The following PALM2AKAP2 variants were observed in gnomAD, a reference collection of about 807,000 sequenced individuals.
PALM2AKAP2 encodes PALM2-AKAP2 fusion protein.
PALM2AKAP2 carries 37 observed loss-of-function variants against 71.5 expected under a neutral mutation model. The ratio of observed to expected loss-of-function variants is 0.52; its 90% confidence interval spans 0.40 to 0.68. PALM2AKAP2 has a LOEUF of 0.68. PALM2AKAP2 is among the 30% of genes least tolerant of loss of function. The pLI is 0.00. For missense variants in PALM2AKAP2, 1,224 were observed against 1,191.8 expected (o/e 1.03, Z -0.40); for synonymous variants, 468 against 478.8 (o/e 0.98, Z 0.29).
At chr9:110,137,341 G>A in exon 2 of PALM2AKAP2, 1 of 1,614,192 alleles carries the variant, frequency 6.2e-7, no homozygotes, top group South Asian at 1.1e-5. Flanking sequence ...ACAAGCCACT[G>A]ACTAATCCGA....
intron 1 of PALM2AKAP2, among the ~76,000 whole-genome samples, chr9:110,117,230 C>T (rs1024523567): frequency 7.9e-5 from 12 of 152,178 alleles, no homozygotes; most frequent in South Asian, 4.1e-4. Context: ...TGTGTTCCTC[C>T]GGCCTCAGCC....
At chr9:109,957,243 G>A (rs1351625684) in intron 6 of PALM2AKAP2, among the ~76,000 whole-genome samples, 4 of 152,180 alleles carry the variant, frequency 2.6e-5, no homozygotes, top group Non-Finnish European at 5.9e-5. Flanking sequence ...TGAGTTAATT[G>A]AGCAAAGTTA....
At chr9:109,810,621 T>A (rs924214587) in intron 1 of PALM2AKAP2, among the ~76,000 whole-genome samples, 4 of 152,268 alleles carry the variant, frequency 2.6e-5, no homozygotes, top group African/African-American at 9.6e-5. Flanking sequence ...TGTTGACTCC[T>A]TCAAGGAGTT....
chr9:109,726,383 G>C (rs1433914185), intron 1 of PALM2AKAP2, among the ~76,000 whole-genome samples: 1 of 152,188 alleles, frequency 6.6e-6, no homozygotes, highest in Non-Finnish European at 1.5e-5. Flanking sequence ...GCATCTGCCG[G>C]GTCAGCAGAG....
exon 2 of PALM2AKAP2, chr9:110,136,777 G>C: frequency 6.2e-7 from 1 of 1,614,190 alleles, no homozygotes; most frequent in Non-Finnish European, 8.5e-7. Flanking sequence ...CCAAGTTTGA[G>C]CTGCGTGCCT....
chr9:109,735,332 G>A (rs777075327), intron 1 of PALM2AKAP2, among the ~76,000 whole-genome samples: 1 of 151,698 alleles, frequency 6.6e-6, no homozygotes, highest in Admixed American at 6.6e-5. Flanking sequence ...AGGACACACT[G>A]TGTATATATG....
chr9:109,655,270 G>A (rs1377126673), intron 1 of PALM2AKAP2, among the ~76,000 whole-genome samples: 2 of 143,140 alleles, frequency 1.4e-5, no homozygotes, highest in Admixed American at 1.4e-4. Flanking sequence ...CTGCACTCCA[G>A]GCTGGGCGAC....
intron 6 of PALM2AKAP2, among the ~76,000 whole-genome samples, chr9:109,938,040 AG>A (rs1197468281): frequency 2.6e-5 from 4 of 152,228 alleles, no homozygotes; most frequent in African/African-American, 9.6e-5. Context: ...AAAGTGTGAG[AG>A]GCCATTGGTA....
chr9:109,908,980 C>T (rs1417699059), intron 3 of PALM2AKAP2, among the ~76,000 whole-genome samples: 2 of 152,178 alleles, frequency 1.3e-5, no homozygotes, highest in African/African-American at 4.8e-5. Flanking sequence ...CCAGATGCTT[C>T]CTGCATGAAG....
intron 6 of PALM2AKAP2, among the ~76,000 whole-genome samples, chr9:109,972,791 G>A (rs558526764): frequency 1.3e-5 from 2 of 152,254 alleles, no homozygotes; most frequent in African/African-American, 2.4e-5. Context: ...TGGGTACCAC[G>A]TGACTTTTGT....
At chr9:109,861,257 T>G (rs1829300423) in intron 1 of PALM2AKAP2, among the ~76,000 whole-genome samples, 1 of 152,182 alleles carries the variant, frequency 6.6e-6, no homozygotes, top group Admixed American at 6.5e-5. Flanking sequence ...CATCTCCTAG[T>G]GCTCCAGTTG....
At chr9:110,004,675 TGTAGATTTG>T (rs2132291833) in intron 6 of PALM2AKAP2, among the ~76,000 whole-genome samples, 1 of 152,334 alleles carries the variant, frequency 6.6e-6, no homozygotes, top group East Asian at 1.9e-4. Context: ...ACCAATCAGA[TGTAGATTTG>T]GTCTTTTCAC....
intron 1 of PALM2AKAP2, among the ~76,000 whole-genome samples, chr9:110,129,175 A>G (rs1382130378): frequency 6.6e-6 from 1 of 152,252 alleles, no homozygotes; most frequent in Non-Finnish European, 1.5e-5. Flanking sequence ...AGCAACAGAT[A>G]CGTCTCCAGA....
chr9:110,085,858 G>C (rs1038188470), intron 1 of PALM2AKAP2, among the ~76,000 whole-genome samples: 7 of 152,134 alleles, frequency 4.6e-5, no homozygotes, highest in Non-Finnish European at 8.8e-5. Flanking sequence ...TGTAATCCTA[G>C]CACTTTGGGA....
At chr9:110,048,664 C>T, upstream of PALM2AKAP2, 3 of 1,490,294 alleles carry the variant, frequency 2.0e-6, no homozygotes, top group Non-Finnish European at 2.7e-6. Context: ...GGGCTCCCCG[C>T]CCTCCAGCGC....
intron 1 of PALM2AKAP2, among the ~76,000 whole-genome samples, chr9:109,791,493 G>A (rs1191942290): frequency 1.3e-5 from 2 of 152,122 alleles, no homozygotes; most frequent in African/African-American, 4.8e-5. Context: ...CAGCAGAAGT[G>A]CGCCCTCTCC....
At chr9:109,885,972 C>G (rs1441042631) in intron 3 of PALM2AKAP2, among the ~76,000 whole-genome samples, 1 of 152,176 alleles carries the variant, frequency 6.6e-6, no homozygotes, top group African/African-American at 2.4e-5. Flanking sequence ...AACCCGGCTG[C>G]CACAGTGGAG....
At chr9:109,820,742 A>T (rs1359215168) in intron 1 of PALM2AKAP2, among the ~76,000 whole-genome samples, 2 of 152,210 alleles carry the variant, frequency 1.3e-5, no homozygotes, top group Non-Finnish European at 2.9e-5. Context: ...CCATGGGTTG[A>T]CTGGAGCCTA....
At chr9:110,154,449 C>A (rs1282232300) in intron 2 of PALM2AKAP2, among the ~76,000 whole-genome samples, 1 of 151,994 alleles carries the variant, frequency 6.6e-6, no homozygotes, top group Non-Finnish European at 1.5e-5. Flanking sequence ...AGTGAGGTGA[C>A]CTGAGGTCTG....
Sources: gnomAD v4.1 joint callset for allele counts (sites outside exome capture counted in the v4.1 genomes callset) on GRCh38, gnomAD v4.1.1 for gene constraint, MANE v1.5 for transcripts, NCBI Gene and HGNC (gene_info 2026-07-23, HGNC 2026-07-21) for gene names.